TENM3: variants seen among roughly 807,000 people sequenced by gnomAD.
The protein encoded by TENM3 is teneurin transmembrane protein 3.
TENM3 carries 63 observed loss-of-function variants against 255.1 expected under a neutral mutation model. The observed-to-expected ratio is 0.25, with a 90% CI of 0.20 to 0.30. TENM3 has a LOEUF of 0.30. TENM3 is among the 10% of genes least tolerant of loss of function. TENM3 has a pLI of 1.00. For synonymous variants in TENM3, 1,306 were observed against 1,322.3 expected (o/e 0.99, Z 0.27); for missense variants, 2,929 against 3,461.1 (o/e 0.85, Z 3.86).
the TENM3 span, among the ~76,000 whole-genome samples, chr4:181,897,930 T>C: frequency 6.6e-6 from 1 of 152,230 alleles, no homozygotes; most frequent in Non-Finnish European, 1.5e-5. Flanking sequence ...TCTGCCCTTA[T>C]TCACTCATTA....
chr4:182,700,780 A>G (rs1757791630), intron 12 of TENM3, among the ~76,000 whole-genome samples: 1 of 152,176 alleles, frequency 6.6e-6, no homozygotes, highest in African/African-American at 2.4e-5. Context: ...CTACATCTAA[A>G]TGTGATATAA....
chr4:182,773,042 C>T (rs935457248), intron 22 of TENM3, among the ~76,000 whole-genome samples: 1 of 152,074 alleles, frequency 6.6e-6, no homozygotes, highest in South Asian at 2.1e-4. Flanking sequence ...CATACATGCA[C>T]GTAAACATAC....
At chr4:182,543,199 A>G (rs1233564289) in intron 3 of TENM3, among the ~76,000 whole-genome samples, 1 of 146,760 alleles carries the variant, frequency 6.8e-6, no homozygotes, top group Non-Finnish European at 1.5e-5. Flanking sequence ...GGATGCATGG[A>G]TGGATGCAAG....
Position 182,197,932 on chromosome 4 carries a change from G to A in TENM3, c.-76+53178G>A, listed in dbSNP as rs1753931724. On this transcript the variant is annotated intron_variant, in intron 1 of 2. Coordinates refer to the TENM3 transcript ENST00000512480. ...CCAGGCTCGCCAACATGGTGAACCTGCGTCTCTACTAAAAATACATAACTT... is the reference window on the plus strand; with the variant it reads ...CCAGGCTCGCCAACATGGTGAACCTACGTCTCTACTAAAAATACATAACTT... 3.3e-5 allele frequency among the ~76,000 whole-genome samples: 5 copies of A among 152,072 alleles called. No individual in the cohort carries two copies. In the South Asian group the frequency reaches 1.0e-3, roughly 32 times the overall value.
intron 3 of TENM3, among the ~76,000 whole-genome samples, chr4:182,390,355 T>G (rs1188942366): frequency 1.3e-5 from 2 of 152,340 alleles, no homozygotes; most frequent in East Asian, 3.9e-4. Flanking sequence ...ATTATAAATA[T>G]GAAGAATTTA....
At chr4:182,374,260 A>G (rs1423668001) in intron 3 of TENM3, among the ~76,000 whole-genome samples, 1 of 152,190 alleles carries the variant, frequency 6.6e-6, no homozygotes, top group Non-Finnish European at 1.5e-5. Context: ...TTGGTTTTAT[A>G]GACTAAATCT....
chr4:181,490,470 G>GTT, the TENM3 span, among the ~76,000 whole-genome samples: 1 of 151,892 alleles, frequency 6.6e-6, no homozygotes, highest in Admixed American at 6.5e-5. Context: ...AACAGTATCT[G>GTT]TTTTTTTTCT....
intron 3 of TENM3, among the ~76,000 whole-genome samples, chr4:182,468,785 G>A (rs1283340789): frequency 6.8e-6 from 1 of 146,594 alleles, no homozygotes; most frequent in East Asian, 2.0e-4. Context: ...TTTTTCAGGA[G>A]TCTTCAAGTA....
At chr4:181,586,501 A>C in the TENM3 span, among the ~76,000 whole-genome samples, 2 of 152,112 alleles carry the variant, frequency 1.3e-5, no homozygotes, top group Non-Finnish European at 2.9e-5. Flanking sequence ...TCTCTCTAAA[A>C]CTGTCTCCAT....
At chr4:181,860,401 C>T in the TENM3 span, among the ~76,000 whole-genome samples, 1 of 152,242 alleles carries the variant, frequency 6.6e-6, no homozygotes, top group Admixed American at 6.5e-5. Context: ...CTTTGGAATG[C>T]ATTTTTCTAA....
chr4:181,798,502 T>C, the TENM3 span, among the ~76,000 whole-genome samples: 1 of 152,056 alleles, frequency 6.6e-6, no homozygotes, highest in Non-Finnish European at 1.5e-5. Context: ...GATAGCATCA[T>C]GGTGCTTAGG....
intron 12 of TENM3, among the ~76,000 whole-genome samples, chr4:182,708,691 A>ATGTG (rs1758493646): frequency 6.6e-6 from 1 of 151,718 alleles, no homozygotes; most frequent in Non-Finnish European, 1.5e-5. Flanking sequence ...CCAGCTACTC[A>ATGTG]GGAGGCTGAG....
At chr4:182,770,052 G>A (rs888337995) in intron 22 of TENM3, among the ~76,000 whole-genome samples, 9 of 150,214 alleles carry the variant, frequency 6.0e-5, no homozygotes, top group African/African-American at 2.2e-4. Flanking sequence ...GTTGCAGTGA[G>A]CCGAGATCAT....
intron 6 of TENM3, among the ~76,000 whole-genome samples, chr4:182,667,787 C>T (rs867944138): frequency 7.5e-4 from 94 of 125,018 alleles, no homozygotes; most frequent in African/African-American, 2.6e-3. Flanking sequence ...GGTCACACAC[C>T]GGGGCCTATC....
At chr4:182,589,161 T>C (rs1054858833) in intron 3 of TENM3, among the ~76,000 whole-genome samples, 8 of 152,218 alleles carry the variant, frequency 5.3e-5, no homozygotes, top group Admixed American at 5.2e-4. Context: ...GCTCTATTCT[T>C]GCCTTCTAGA....
intron 3 of TENM3, among the ~76,000 whole-genome samples, chr4:182,470,857 A>G (rs2151449807): frequency 6.6e-6 from 1 of 152,336 alleles, no homozygotes; most frequent in South Asian, 2.1e-4. Flanking sequence ...ATTTAGTTGC[A>G]TAGCTCTGAA....
chr4:182,508,895 A>G (rs1401813995), intron 3 of TENM3, among the ~76,000 whole-genome samples: 1 of 152,236 alleles, frequency 6.6e-6, no homozygotes, highest in Non-Finnish European at 1.5e-5. Flanking sequence ...GAAATAAATT[A>G]CATGCCAGCT....
the TENM3 span, among the ~76,000 whole-genome samples, chr4:181,944,179 T>G: frequency 1.3e-5 from 2 of 152,168 alleles, no homozygotes; most frequent in South Asian, 4.2e-4. Context: ...GGCTGAGAAG[T>G]TTCATGATCT....
At chr4:181,821,385 T>A in the TENM3 span, among the ~76,000 whole-genome samples, 2 of 152,216 alleles carry the variant, frequency 1.3e-5, no homozygotes, top group African/African-American at 4.8e-5. Context: ...TCTCATCTTA[T>A]ATCCTGCGAT....
Sources: allele counts gnomAD v4.1 joint callset (sites outside exome capture counted in the v4.1 genomes callset), GRCh38; gene constraint gnomAD v4.1.1; transcripts MANE v1.5; gene names NCBI Gene and HGNC (gene_info 2026-07-23, HGNC 2026-07-21).